Variants in SCAPER observed in about 807,000 individuals in gnomAD.
SCAPER encodes S-phase cyclin A associated protein in the ER.
SCAPER carries 98 observed loss-of-function variants against 182.2 expected under a neutral mutation model. That is an observed-to-expected ratio of 0.54 (90% confidence interval 0.46 to 0.64). The LOEUF (loss-of-function observed/expected upper bound fraction) is 0.64. SCAPER is among the 30% of genes least tolerant of loss of function. SCAPER has a pLI of 0.00. For synonymous variants in SCAPER, 605 were observed against 564.6 expected (o/e 1.07, Z -1.01); for missense variants, 1,432 against 1,690.0 (o/e 0.85, Z 2.68).
intron 2 of SCAPER, among the ~76,000 whole-genome samples, chr15:76,875,920 T>TGG (rs1192857848): frequency 1.5e-4 from 22 of 151,118 alleles, no homozygotes; most frequent in African/African-American, 5.4e-4. Flanking sequence ...GACCCCACGG[T>TGG]GGGGGGCGGG....
intron 20 of SCAPER, among the ~76,000 whole-genome samples, chr15:76,667,625 CAAAAAAAAAAAAAAAAAAAAAAA>C (rs775463270): frequency 7.3e-5 from 2 of 27,454 alleles, no homozygotes; most frequent in African/African-American, 2.6e-4. Flanking sequence ...GACTCAGTCT[CAAAAAAAAAAAAAAAAAAAAAAA>C]AAAAAAAAAA....
chr15:76,673,668 C>A (rs2057180051), intron 20 of SCAPER, among the ~76,000 whole-genome samples: 1 of 152,038 alleles, frequency 6.6e-6, no homozygotes, highest in Non-Finnish European at 1.5e-5. Context: ...ATGATCAACC[C>A]AGTAGCAATG....
intron 20 of SCAPER, among the ~76,000 whole-genome samples, chr15:76,686,382 T>C (rs901293591): frequency 1.3e-5 from 2 of 152,090 alleles, no homozygotes; most frequent in East Asian, 1.9e-4. Context: ...ACCTACTTGA[T>C]TGGCAAATGT....
At chr15:76,641,567 G>A (rs943208768) in intron 21 of SCAPER, among the ~76,000 whole-genome samples, 5 of 152,060 alleles carry the variant, frequency 3.3e-5, no homozygotes, top group Admixed American at 2.6e-4. Context: ...TGCATTGCGG[G>A]CTGCTGGCCA....
At chr15:76,689,690 AC>A (rs1226737010) in intron 20 of SCAPER, among the ~76,000 whole-genome samples, 1 of 151,460 alleles carries the variant, frequency 6.6e-6, no homozygotes, top group Non-Finnish European at 1.5e-5. Context: ...ATCCTTGAAA[AC>A]AAAAAAAAAA....
intron 22 of SCAPER, among the ~76,000 whole-genome samples, chr15:76,610,138 G>C (rs2050848457): frequency 1.3e-5 from 2 of 152,124 alleles, no homozygotes; most frequent in African/African-American, 2.4e-5. Context: ...CTGCAACTGA[G>C]AAAACCAGTG....
chr15:76,810,829 G>A (rs1393402569), intron 5 of SCAPER, among the ~76,000 whole-genome samples: 1 of 151,830 alleles, frequency 6.6e-6, no homozygotes, highest in African/African-American at 2.4e-5. Flanking sequence ...GAGACAAAGT[G>A]AAAAGATGGA....
intron 20 of SCAPER, among the ~76,000 whole-genome samples, chr15:76,681,977 T>A (rs569253817): frequency 6.6e-6 from 1 of 152,192 alleles, no homozygotes; most frequent in South Asian, 2.1e-4. Flanking sequence ...ACACAGGCAG[T>A]CCCATCTGGG....
chr15:76,563,545 A>G (rs1436657059), intron 23 of SCAPER, among the ~76,000 whole-genome samples: 2 of 152,196 alleles, frequency 1.3e-5, no homozygotes, highest in African/African-American at 4.8e-5. Context: ...TCAACCAAAA[A>G]AAGCCCAGGA....
chr15:76,873,110 C>A (rs922469134), intron 2 of SCAPER, among the ~76,000 whole-genome samples: 2 of 150,762 alleles, frequency 1.3e-5, no homozygotes, highest in Non-Finnish European at 3.0e-5. Flanking sequence ...AAAAATTAAG[C>A]CAGGCATAAT....
intron 10 of SCAPER, among the ~76,000 whole-genome samples, chr15:76,768,833 A>C (rs1334049828): frequency 2.6e-5 from 4 of 151,916 alleles, no homozygotes; most frequent in Non-Finnish European, 4.4e-5. Flanking sequence ...CTCAAAAAAA[A>C]AAAAAAATAT....
rs575649428 is a variant in SCAPER, at chr15:76,592,964, G to A, written c.2712-18680C>T. Among the ~76,000 whole-genome samples, 33 of 118,264 alleles carry A rather than the reference G, an allele frequency of 2.8e-4. 8 individuals carry two copies. In the South Asian group the frequency reaches 7.4e-3, roughly 27 times the overall value. 77.6% of individuals were successfully genotyped at this position (118,264 alleles called of 152,430 possible). ...CCCCAGTGGCACCTGGAACACCACC[G>A]AGACAGAACCATTCATTACCCTGGA... On this transcript the variant is annotated intron_variant, in intron 22 of 31. Coordinates refer to ENST00000563290, the MANE Select transcript of SCAPER (RefSeq NM_020843.4).
intron 21 of SCAPER, among the ~76,000 whole-genome samples, chr15:76,632,656 T>C (rs1457659235): frequency 2.6e-5 from 4 of 152,172 alleles, no homozygotes; most frequent in Non-Finnish European, 4.4e-5. Context: ...GGAGACGTGT[T>C]GTGATCATTT....
chr15:76,498,828 T>G (rs1294087232), intron 24 of SCAPER, among the ~76,000 whole-genome samples: 3 of 152,128 alleles, frequency 2.0e-5, no homozygotes, highest in African/African-American at 7.3e-5. Flanking sequence ...ATCTTCCTAG[T>G]GAACAAAGCT....
At chr15:76,784,187 C>T (rs1215647116) in intron 8 of SCAPER, among the ~76,000 whole-genome samples, 1 of 152,198 alleles carries the variant, frequency 6.6e-6, no homozygotes, top group Non-Finnish European at 1.5e-5. Context: ...TCAGCAAAGC[C>T]TCAGGATATA....
At chr15:76,842,263 T>C (rs1344031849) in intron 4 of SCAPER, among the ~76,000 whole-genome samples, 1 of 152,218 alleles carries the variant, frequency 6.6e-6, no homozygotes, top group Admixed American at 6.5e-5. Flanking sequence ...GAGATTGATA[T>C]GGTTAGGCTT....
chr15:76,430,119 G>GC (rs1365377037), intron 26 of SCAPER, among the ~76,000 whole-genome samples: 1 of 152,204 alleles, frequency 6.6e-6, no homozygotes, highest in Non-Finnish European at 1.5e-5. Context: ...CAGGTGCACC[G>GC]AAGTCAAGAA....
chr15:76,397,702 C>T (rs2044173283), intron 27 of SCAPER, among the ~76,000 whole-genome samples: 1 of 152,048 alleles, frequency 6.6e-6, no homozygotes. Context: ...GTCTTGAACT[C>T]CTGACCTCAG....
Position 76,549,053 on chromosome 15 carries a change from A to G in SCAPER, c.2838+25105T>C, listed in dbSNP as rs555463339. On this transcript the variant is annotated intron_variant, in intron 23 of 31. Coordinates refer to ENST00000563290, the MANE Select transcript of SCAPER (RefSeq NM_020843.4). ...ATTTTTGCAATCTACTCATCTGACA[A>G]AGGGCTAATATCCAGAATCTACAAA... Among the ~76,000 whole-genome samples the G allele has an allele frequency of 8.1e-3, 1,240 of 152,310 alleles. 13 individuals are homozygous for G. The highest frequency in any genetic ancestry group is 0.028 in the African/African-American group (1,176 of 41,566).
Sources: gnomAD v4.1 joint callset for allele counts (sites outside exome capture counted in the v4.1 genomes callset) on GRCh38, gnomAD v4.1.1 for gene constraint, MANE v1.5 for transcripts, NCBI Gene and HGNC (gene_info 2026-07-23, HGNC 2026-07-21) for gene names.